ZFAND4: variants seen among roughly 807,000 people sequenced by gnomAD.
The protein encoded by ZFAND4 is zinc finger AN1-type containing 4.
ZFAND4 carries 43 observed loss-of-function variants against 64.4 expected under a neutral mutation model. The observed-to-expected ratio is 0.67, with a 90% CI of 0.52 to 0.86. The LOEUF is 0.86. ZFAND4 is among the 40% of genes least tolerant of loss of function. The probability of loss-of-function intolerance (pLI) is 0.00; values close to 1 mark genes in which losing one functional copy is unlikely to be tolerated. For missense variants in ZFAND4, 929 were observed against 859.8 expected (o/e 1.08, Z -1.01); for synonymous variants, 296 against 305.7 (o/e 0.97, Z 0.33).
intron 6 of ZFAND4, among the ~76,000 whole-genome samples, chr10:45,632,313 G>A (rs749947690): frequency 3.0e-4 from 46 of 152,094 alleles, no homozygotes; most frequent in African/African-American, 1.1e-3. Flanking sequence ...AGCCAAGATC[G>A]TGCCATTGCA....
chr10:45,626,733 GC>G lies in ZFAND4; in HGVS notation c.1089del (p.Pro364LeufsTer8). 1 of 1,614,200 alleles carries G rather than the reference GC, an allele frequency of 6.2e-7. No individual in the cohort carries two copies. Among genetic ancestry groups the G allele is most frequent in the Non-Finnish European group, 8.5e-7 (1 of 1,180,032 alleles). On this transcript the variant is annotated frameshift_variant, in exon 7 of 10. Transcript: ENST00000344646. LOFTEE classifies it high-confidence loss of function. ...CCTAAAAAATGTTTTGTTTGCCTAG[GC>G]AGGGATGATCCAAGATGGAGAACAG... The part of the protein sequence containing the change: ...ADSVLHLGSS[L>X]PRQTKHFLGN...
intron 1 of ZFAND4, among the ~76,000 whole-genome samples, chr10:45,671,282 AG>A (rs2049168956): frequency 6.6e-6 from 1 of 152,222 alleles, no homozygotes; most frequent in Admixed American, 6.5e-5. Context: ...CAATTCCTCA[AG>A]GATCTAGAAC....
intron 4 of ZFAND4, chr10:45,651,588 A>T (rs769024999): frequency 2.3e-5 from 11 of 472,940 alleles, no homozygotes; most frequent in Middle Eastern, 3.2e-4. Flanking sequence ...GCAATGTTGG[A>T]ATTTTGCAAA....
At position 45,626,390 on chromosome 10, in the gene ZFAND4, G is replaced by C; in HGVS notation, c.1433C>G (p.Ser478Cys). The change falls in exon 7 of 10, where the codon TCT becomes TGT. Residue 478 changes from serine (S) to cysteine (C), a missense_variant. Ser to Cys is a moderately radical substitution (Grantham distance 112, BLOSUM62 -1). Coordinates refer to ENST00000344646, the MANE Select transcript of ZFAND4 (RefSeq NM_174890.4). ...AGAATTATGTAGCGACATTGGTGCAGAACAGCGAAGAGGTGACAAGAGTCT... is the reference window on the plus strand; with the variant it reads ...AGAATTATGTAGCGACATTGGTGCACAACAGCGAAGAGGTGACAAGAGTCT... ...KNRLLSPLRC[S>C]APMSLHNSLV... is the part of the protein sequence containing the mutation. 1 of 1,614,140 alleles carries C rather than the reference G, an allele frequency of 6.2e-7. No homozygotes were observed. Among genetic ancestry groups the C allele is most frequent in the South Asian group, 1.1e-5 (1 of 91,090 alleles).
In ZFAND4 at chr10:45,626,410, G is replaced by T. The variant is rs774950692; in HGVS notation, c.1413C>A (p.Leu471=). The T allele has an allele frequency of 5.6e-6, 9 of 1,613,902 alleles. No individual in the cohort carries two copies. The highest frequency in any genetic ancestry group is 3.3e-4 in the Middle Eastern group (2 of 6,084). Residue 471 remains leucine (L), a synonymous_variant, in exon 7 of 10, where the codon CTC becomes CTA. Coordinates refer to ENST00000344646, the MANE Select transcript of ZFAND4 (RefSeq NM_174890.4). ...GTGCAGAACAGCGAAGAGGTGACAA[G>T]AGTCTATTCTTGTGAGGACTTAATT... ...YRELSPHKNR[L]LSPLRCSAPM...
intron 3 of ZFAND4, among the ~76,000 whole-genome samples, chr10:45,652,472 T>C (rs1332089434): frequency 6.6e-6 from 1 of 152,180 alleles, no homozygotes; most frequent in Non-Finnish European, 1.5e-5. Context: ...ACTCTTTTCT[T>C]AACAAAAGAG....
At chr10:45,632,752 A>C (rs557391666) in intron 6 of ZFAND4, among the ~76,000 whole-genome samples, 148 of 152,352 alleles carry the variant, frequency 9.7e-4, no homozygotes, top group African/African-American at 3.2e-3. Context: ...TAAGTATAAC[A>C]AAATAAGACA....
chr10:45,653,425 C>G (rs1019965074), intron 2 of ZFAND4, among the ~76,000 whole-genome samples: 2 of 152,164 alleles, frequency 1.3e-5, no homozygotes, highest in African/African-American at 4.8e-5. Flanking sequence ...AACTATGCAT[C>G]TGACAAAGAT....
chr10:45,653,241 T>G (rs572257528), intron 2 of ZFAND4, among the ~76,000 whole-genome samples, 182 bp from the exon 3 acceptor site: 1 of 152,288 alleles, frequency 6.6e-6, no homozygotes, highest in Non-Finnish European at 1.5e-5. Flanking sequence ...AAAGGAGATA[T>G]AGTCCAATCC....
At chr10:45,633,230 AC>A (rs1290648801) in intron 6 of ZFAND4, among the ~76,000 whole-genome samples, 3 of 151,194 alleles carry the variant, frequency 2.0e-5, no homozygotes, top group Non-Finnish European at 2.9e-5. Flanking sequence ...AAAAAAAAAA[AC>A]TTTAATAAGG....
In ZFAND4 at chr10:45,616,571, T is replaced by C. The variant is rs1301020125; in HGVS notation, c.2049A>G (p.Arg683=). ...GAGATGCACAGAAGTTGTTTCCACA[T>C]CTAAAGCACAAAAAAAGTTTACGTG... The part of the protein sequence containing the change: ...KTGLASSYEC[R]CGNNFCASHR... Residue 683 remains arginine (R), a splice_region_variant and synonymous_variant, in exon 10 of 10, where the codon AGA becomes AGG. Coordinates refer to ENST00000344646, the MANE Select transcript of ZFAND4 (RefSeq NM_174890.4). 7 of 1,613,772 alleles carry C rather than the reference T, an allele frequency of 4.3e-6. No individual in the cohort carries two copies. In the South Asian group the frequency reaches 5.5e-5, roughly 13 times the overall value.
intron 6 of ZFAND4, among the ~76,000 whole-genome samples, chr10:45,632,443 G>A (rs761135855): frequency 7.2e-5 from 11 of 152,092 alleles, no homozygotes; most frequent in Non-Finnish European, 1.5e-4. Context: ...ATTTGTAAAG[G>A]CTATGTTTTC....
chr10:45,664,513 C>T (rs1393843206), intron 1 of ZFAND4, among the ~76,000 whole-genome samples: 4 of 151,804 alleles, frequency 2.6e-5, no homozygotes, highest in Admixed American at 6.6e-5. Context: ...GTGATCCACC[C>T]GCCTCGGCCT....
intron 2 of ZFAND4, among the ~76,000 whole-genome samples, chr10:45,656,519 A>AAG (rs2048127256): frequency 6.7e-6 from 1 of 150,054 alleles, no homozygotes; most frequent in Non-Finnish European, 1.5e-5. Flanking sequence ...AAAAAAAAAA[A>AAG]AAAAAAGAAA....
At chr10:45,653,222 G>C (rs1472939456) in intron 2 of ZFAND4, among the ~76,000 whole-genome samples, 163 bp from the exon 3 acceptor site, 1 of 152,074 alleles carries the variant, frequency 6.6e-6, no homozygotes. Context: ...TAGGTAGAAG[G>C]CATGCCTAAA....
chr10:45,626,183 C>T lies in ZFAND4; in HGVS notation c.1640G>A (p.Arg547Gln), dbSNP rs751952776. The part of the protein sequence containing the change: ...RSDVISKVEA[R>Q]DITEMTNKAS... ...CTTGTTAGTCATTTCTGTGATATCC[C>T]GAGCCTCAACTTTGGAAATAACATC... Residue 547 changes from arginine (R) to glutamine (Q), a missense_variant, in exon 7 of 10, where the codon CGG (arginine) becomes CAG (glutamine). Transcript: ENST00000344646. The T allele has an allele frequency of 5.0e-6, 8 of 1,614,090 alleles. No homozygotes were observed. Among genetic ancestry groups the T allele is most frequent in the South Asian group, 2.2e-5 (2 of 91,064 alleles).
intron 8 of ZFAND4, among the ~76,000 whole-genome samples, chr10:45,620,626 AC>A (rs1362426411): frequency 1.5e-4 from 23 of 152,348 alleles, no homozygotes; most frequent in African/African-American, 5.5e-4. Flanking sequence ...ATTAGCAACT[AC>A]TGTGTACTAG....
In ZFAND4 at chr10:45,659,331, T is replaced by A. The variant is rs1295974031; in HGVS notation, c.184+4211A>T. On this transcript the variant is annotated intron_variant, in intron 2 of 9. Coordinates refer to ENST00000344646, the MANE Select transcript of ZFAND4 (RefSeq NM_174890.4). ...TAACAAGGCTCCAGTATAACAACAG[T>A]GGATTACAACGGAAAGAATTGTAAG... is the stretch of plus-strand genomic sequence containing the variant. Among the ~76,000 whole-genome samples the A allele has an allele frequency of 3.3e-5, 5 of 152,222 alleles. No individual in the cohort carries two copies. The East Asian group carries it at 9.6e-4, about 29-fold the overall frequency.
At chr10:45,671,697 G>A (rs548280911) in intron 1 of ZFAND4, among the ~76,000 whole-genome samples, 1 of 152,214 alleles carries the variant, frequency 6.6e-6, no homozygotes, top group Admixed American at 6.5e-5. Context: ...AGTGAGATGG[G>A]GGGAGGGATA....
Sources: gnomAD v4.1 joint callset for allele counts (sites outside exome capture counted in the v4.1 genomes callset) on GRCh38, gnomAD v4.1.1 for gene constraint, MANE v1.5 for transcripts, NCBI Gene and HGNC (gene_info 2026-07-23, HGNC 2026-07-21) for gene names.